EPHA6: variants seen among roughly 807,000 people sequenced by gnomAD.
EPHA6 encodes the protein EPH receptor A6, also known as ephrin type-A receptor 6.
In EPHA6, 50 loss-of-function variants were observed where a neutral mutation model predicts 112.0. The observed-to-expected ratio is 0.45, with a 90% confidence interval of 0.36 to 0.56. The LOEUF (loss-of-function observed/expected upper bound fraction) is 0.56, where lower values mean the gene tolerates loss of function less well. Ranked by LOEUF, EPHA6 falls within the 20% of genes least tolerant of loss-of-function variation. EPHA6 has a pLI of 0.00. For missense variants in EPHA6, 1,280 were observed against 1,417.4 expected (o/e 0.90, Z 1.56); for synonymous variants, 529 against 490.7 (o/e 1.08, Z -1.03).
At chr3:97,026,143 T>TA (rs1576345587) in intron 3 of EPHA6, among the ~76,000 whole-genome samples, 2 of 138,118 alleles carry the variant, frequency 1.4e-5, no homozygotes, top group East Asian at 2.3e-4. Context: ...TTTTTTTTTT[T>TA]ACCAGTACCA....
chr3:97,212,084 C>A (rs772433824), intron 3 of EPHA6, among the ~76,000 whole-genome samples: 6 of 151,654 alleles, frequency 4.0e-5, no homozygotes, highest in Non-Finnish European at 8.8e-5. Flanking sequence ...AAAGAGTATG[C>A]AATAAAGAAA....
At chr3:96,880,454 T>C (rs1435631780) in intron 2 of EPHA6, among the ~76,000 whole-genome samples, 1 of 152,074 alleles carries the variant, frequency 6.6e-6, no homozygotes, top group Non-Finnish European at 1.5e-5. Flanking sequence ...CAGTTTAAAA[T>C]ACAAGTCAAA....
At chr3:97,549,797 C>G (rs975442069) in intron 11 of EPHA6, among the ~76,000 whole-genome samples, 1 of 151,446 alleles carries the variant, frequency 6.6e-6, no homozygotes, top group Non-Finnish European at 1.5e-5. Flanking sequence ...GGCGACAAGG[C>G]GAGACTCTGT....
intron 1 of EPHA6, among the ~76,000 whole-genome samples, chr3:96,862,840 G>A (rs1377956779): frequency 6.6e-6 from 1 of 151,776 alleles, no homozygotes; most frequent in African/African-American, 2.4e-5. Flanking sequence ...TTAAATTTGT[G>A]TTTATCATTT....
intron 11 of EPHA6, among the ~76,000 whole-genome samples, chr3:97,572,940 A>T (rs1168926792): frequency 6.6e-6 from 1 of 152,220 alleles, no homozygotes; most frequent in African/African-American, 2.4e-5. Flanking sequence ...AGGCGGATTC[A>T]TGTCTGTCTG....
In EPHA6 at chr3:97,311,461, C is replaced by CACAA. The variant is rs567666512; in HGVS notation, c.1606+67177_1606+67178insAACA. Among the ~76,000 whole-genome samples the CACAA allele has an allele frequency of 2.9e-3, 436 of 151,620 alleles. 2 individuals are homozygous for CACAA. Among genetic ancestry groups the CACAA allele is most frequent in the African/African-American group, 9.7e-3 (401 of 41,388 alleles). On this transcript the variant is annotated intron_variant, in intron 5 of 17. Transcript: ENST00000389672. ...ACACTTTCACACACACACACACACA[C>CACAA]ACACACACACACACGTTTGCTCTGG...
At chr3:97,388,547 G>A (rs2086205072) in intron 5 of EPHA6, among the ~76,000 whole-genome samples, 1 of 152,064 alleles carries the variant, frequency 6.6e-6, no homozygotes, top group South Asian at 2.1e-4. Flanking sequence ...AAGACAAATG[G>A]GCCCATAGGA....
intron 3 of EPHA6, among the ~76,000 whole-genome samples, chr3:97,169,185 T>A (rs963208734): frequency 6.6e-6 from 1 of 152,186 alleles, no homozygotes; most frequent in East Asian, 1.9e-4. Flanking sequence ...TGTTTGCCTG[T>A]GTTTAATGGC....
At chr3:97,113,086 A>G (rs925453631) in intron 3 of EPHA6, among the ~76,000 whole-genome samples, 2 of 152,062 alleles carry the variant, frequency 1.3e-5, no homozygotes, top group Non-Finnish European at 2.9e-5. Context: ...CCTCAACTCA[A>G]CTGCTTCAGC....
chr3:97,492,546 TCAAAAAAAAAAAAAAAAAAAAAAAAA>T (rs2091870598), intron 10 of EPHA6, among the ~76,000 whole-genome samples: 1 of 11,048 alleles, frequency 9.1e-5, no homozygotes, highest in Admixed American at 1.2e-3. Context: ...AGACTCAGTC[TCAAAAAAAAAAAAAAAAAAAAAAAAA>T]AAAAAAAAAA....
Position 97,486,226 on chromosome 3 carries a change from T to A in EPHA6, c.2200+2167T>A, listed in dbSNP as rs145611801. 2.8e-3 allele frequency among the ~76,000 whole-genome samples: 419 copies of A among 152,278 alleles called. 3 individuals carry two copies. The highest frequency in any genetic ancestry group is 4.3e-3 in the Non-Finnish European group (293 of 68,022). The stretch of plus-strand genomic sequence containing the variant: ...ATGTAGTTATTCCTATAGATTGGGG[T>A]CTCTTTTTAAATCTTTATTCATCTT... On this transcript the variant is annotated intron_variant, in intron 10 of 17. Coordinates refer to ENST00000389672, the MANE Select transcript of EPHA6 (RefSeq NM_001080448.3).
At chr3:97,054,052 A>G (rs1420396112) in intron 3 of EPHA6, among the ~76,000 whole-genome samples, 2 of 151,984 alleles carry the variant, frequency 1.3e-5, no homozygotes, top group Non-Finnish European at 2.9e-5. Flanking sequence ...ATGGCTAGGT[A>G]GTAACCAACA....
chr3:97,273,918 T>C lies in EPHA6; in HGVS notation c.1606+29631T>C, dbSNP rs185677764. Among the ~76,000 whole-genome samples the C allele has an allele frequency of 1.6e-4, 24 of 152,210 alleles. No homozygotes were observed. The South Asian group carries it at 3.3e-3, about 21-fold the overall frequency. On this transcript the variant is annotated intron_variant, in intron 5 of 17. Transcript: ENST00000389672. ...TATTTTAGTTTTCTGACTCGGGGCA[T>C]GTGAGTAAAGTCAATTTGCCAGTCC...
chr3:96,840,379 T>G (rs2318156), intron 1 of EPHA6, among the ~76,000 whole-genome samples: 4,263 of 152,236 alleles, frequency 0.028, 102 homozygotes, highest in East Asian at 0.069. Flanking sequence ...ACTCTTGATT[T>G]CTATGAAGTC....
intron 11 of EPHA6, among the ~76,000 whole-genome samples, chr3:97,566,923 T>C (rs963890897): frequency 6.6e-6 from 1 of 152,148 alleles, no homozygotes; most frequent in Non-Finnish European, 1.5e-5. Flanking sequence ...ATGTCATAGG[T>C]CCACCTCTGG....
chr3:97,697,762 A>G (rs890887698), intron 14 of EPHA6, among the ~76,000 whole-genome samples: 15 of 152,148 alleles, frequency 9.9e-5, no homozygotes, highest in African/African-American at 2.9e-4. Context: ...TGTGGGTCCC[A>G]GCAATCATTT....
intron 5 of EPHA6, among the ~76,000 whole-genome samples, chr3:97,340,778 C>T (rs1197880815): frequency 1.3e-5 from 2 of 152,172 alleles, no homozygotes; most frequent in Admixed American, 6.5e-5. Context: ...GGCAAGAGAG[C>T]TAGCCCTGGT....
At chr3:96,982,090 CT>C (rs1431471292) in intron 2 of EPHA6, among the ~76,000 whole-genome samples, 6 of 152,130 alleles carry the variant, frequency 3.9e-5, no homozygotes, top group African/African-American at 1.4e-4. Context: ...TTCTTGCCTT[CT>C]GCTAGCTTTT....
rs370504621 is a variant in EPHA6, at chr3:97,033,065, G to GA, written c.1114+45082dup. Among the ~76,000 whole-genome samples, 31 of 144,424 alleles carry GA rather than the reference G, an allele frequency of 2.1e-4. No individual in the cohort carries two copies. The East Asian group carries it at 3.8e-3, about 18-fold the overall frequency. The allele number at this position is 144,424 out of a possible 152,430, so 94.7% of individuals were successfully genotyped here. ...CTTCCCAAATGTGGAAAAAAAGAAAGAAAAAAAAAAGGAAGTATACCAGTA... is the reference window on the plus strand; with the variant it reads ...CTTCCCAAATGTGGAAAAAAAGAAAGAAAAAAAAAAAGGAAGTATACCAGTA... On this transcript the variant is annotated intron_variant, in intron 3 of 17. Transcript: ENST00000389672.
Sources: gnomAD v4.1 joint callset for allele counts (sites outside exome capture counted in the v4.1 genomes callset) on GRCh38, gnomAD v4.1.1 for gene constraint, MANE v1.5 for transcripts, NCBI Gene and HGNC (gene_info 2026-07-23, HGNC 2026-07-21) for gene names.